The following NAT2 variants were observed in gnomAD, a reference collection of about 807,000 sequenced individuals.
The protein encoded by NAT2 is N-acetyltransferase 2.
For missense variants in NAT2, 428 were observed against 339.1 expected (o/e 1.26, Z -2.06); for synonymous variants, 137 against 125.9 (o/e 1.09, Z -0.59).
upstream of NAT2, chr8:18,387,308 G>GC (rs1476526780): frequency 6.6e-6 from 1 of 152,618 alleles, no homozygotes; most frequent in African/African-American, 2.4e-5. Context: ...AGCCCCTAGG[G>GC]CAGGCGCTAG....
upstream of NAT2, among the ~76,000 whole-genome samples, chr8:18,388,504 C>A (rs1390433015): frequency 5.9e-3 from 462 of 78,442 alleles, no homozygotes; most frequent in Non-Finnish European, 6.2e-3. Flanking sequence ...AGATAATAAG[C>A]AAAAAAAAAA....
At chr8:18,398,979 C>A (rs1800742924) in intron 1 of NAT2, among the ~76,000 whole-genome samples, 1 of 152,130 alleles carries the variant, frequency 6.6e-6, no homozygotes, top group Non-Finnish European at 1.5e-5. Context: ...CGCTTATAAC[C>A]CTTCTCTCAT....
intron 1 of NAT2, among the ~76,000 whole-genome samples, chr8:18,393,557 T>C (rs1424391860): frequency 1.3e-5 from 2 of 152,344 alleles, no homozygotes; most frequent in Middle Eastern, 3.4e-3. Flanking sequence ...CGTCTTCATA[T>C]TGCAGTGGCA....
At chr8:18,387,141 C>G (rs1446818651), upstream of NAT2, 4 of 152,372 alleles carry the variant, frequency 2.6e-5, no homozygotes, top group African/African-American at 9.7e-5. Flanking sequence ...TGGACGGGAT[C>G]GTCCCCTTGC....
At position 18,397,157 on chromosome 8, in the gene NAT2, AAAT is replaced by A. The variant is rs573905980; in HGVS notation, c.-6-2838_-6-2836del. Reference sequence around the variant, plus strand: ...TGTTTCCTAGGTTTAAGGTCACTAAAAATAAAAATTCCACTTAATATATAATTC... The same window carrying A: ...TGTTTCCTAGGTTTAAGGTCACTAAAAAAAATTCCACTTAATATATAATTC... On this transcript the variant is annotated intron_variant, in intron 1 of 1. Coordinates refer to ENST00000286479, the MANE Select transcript of NAT2 (RefSeq NM_000015.3). 5.4e-4 allele frequency among the ~76,000 whole-genome samples: 82 copies of A among 152,292 alleles called. No homozygotes were observed. The South Asian group carries it at 9.1e-3, about 17-fold the overall frequency.
Position 18,400,202 on chromosome 8 carries a change from T to C in NAT2, c.199T>C (p.Trp67Arg), listed in dbSNP as rs201345576. 2.5e-6 allele frequency: 4 copies of C among 1,612,880 alleles called. No homozygotes were observed. In the African/African-American group the frequency reaches 4.0e-5, roughly 16 times the overall value. ...DHIVRRNRGGWCLQVNQLLYW... is the reference protein window; with the variant it reads ...DHIVRRNRGGRCLQVNQLLYW... ...CATTGTAAGAAGAAACCGGGGTGGG[T>C]GGTGTCTCCAGGTCAATCAACTTCT... The change falls in exon 2 of 2, where the codon TGG (tryptophan) becomes CGG (arginine). Residue 67 changes from tryptophan (W) to arginine (R), a missense_variant. Physicochemically the swap from Trp to Arg is moderately radical, Grantham distance 101 (BLOSUM62 -3). Transcript: ENST00000286479.
chr8:18,399,896 G>T, intron 1 of NAT2, 102 bp from the exon 2 acceptor site: 1 of 1,261,758 alleles, frequency 7.9e-7, no homozygotes, highest in East Asian at 2.4e-5. Flanking sequence ...TATAACCATT[G>T]TGTTTTTACG....
At chr8:18,393,157 C>T (rs893567391) in intron 1 of NAT2, among the ~76,000 whole-genome samples, 3 of 151,842 alleles carry the variant, frequency 2.0e-5, no homozygotes, top group Non-Finnish European at 2.9e-5. Context: ...TTTCTTCAGT[C>T]CCCACTTTGA....
chr8:18,388,870 A>G (rs1452708085), upstream of NAT2, among the ~76,000 whole-genome samples: 3 of 152,208 alleles, frequency 2.0e-5, no homozygotes, highest in African/African-American at 7.2e-5. Context: ...GTATTCCCCA[A>G]TTCTGCTCTT....
upstream of NAT2, among the ~76,000 whole-genome samples, chr8:18,388,504 C>CAAAAAAAGAAAA (rs1800541171): frequency 1.3e-5 from 1 of 78,480 alleles, no homozygotes; most frequent in African/African-American, 5.0e-5. Flanking sequence ...AGATAATAAG[C>CAAAAAAAGAAAA]AAAAAAAAAA....
chr8:18,392,198 C>T (rs1321731906), intron 1 of NAT2, among the ~76,000 whole-genome samples: 1 of 152,096 alleles, frequency 6.6e-6, no homozygotes, highest in Non-Finnish European at 1.5e-5. Context: ...TTAGCCAGGA[C>T]CCTTTAGAGG....
chr8:18,387,085 G>A (rs1018274247), upstream of NAT2: 1 of 152,316 alleles, frequency 6.6e-6, no homozygotes, highest in Non-Finnish European at 1.5e-5. Context: ...GTGGGGGAAG[G>A]GGGGAGCCCT....
chr8:18,399,207 T>G (rs1308797909), intron 1 of NAT2, among the ~76,000 whole-genome samples: 1 of 152,174 alleles, frequency 6.6e-6, no homozygotes, highest in Non-Finnish European at 1.5e-5. Flanking sequence ...GGAACAATCC[T>G]CCTCACACAT....
chr8:18,400,325 C>T lies in NAT2; in HGVS notation c.322C>T (p.Leu108Phe). ...VNKYSTGMVH[L>F]LLQVTIDGRN... ...CAAATACAGCACTGGCATGGTTCAC[C>T]TTCTCCTGCAGGTGACCATTGACGG... The change falls in exon 2 of 2, where the codon CTT becomes TTT. Residue 108 changes from leucine to phenylalanine, a missense_variant. By Grantham distance (22) the Leu-to-Phe change is conservative. Coordinates refer to ENST00000286479, the MANE Select transcript of NAT2 (RefSeq NM_000015.3). 1.2e-6 allele frequency: 2 copies of T among 1,613,696 alleles called. No individual in the cohort carries two copies. Among genetic ancestry groups the T allele is most frequent in the African/African-American group, 1.3e-5 (1 of 74,960 alleles).
chr8:18,391,087 G>T (rs1207975373), upstream of NAT2, among the ~76,000 whole-genome samples: 1 of 152,060 alleles, frequency 6.6e-6, no homozygotes, highest in Non-Finnish European at 1.5e-5. Flanking sequence ...CCTGTGGCAT[G>T]GGTATCATCA....
intron 1 of NAT2, among the ~76,000 whole-genome samples, chr8:18,395,221 T>C (rs928105002): frequency 1.6e-4 from 25 of 152,100 alleles, no homozygotes; most frequent in African/African-American, 4.3e-4. Flanking sequence ...AAAGCTTCAT[T>C]CAAAAGCACC....
In NAT2 at chr8:18,399,989, C is replaced by T. The variant is rs2117621334; in HGVS notation, c.-6-9C>T. 1.3e-6 allele frequency: 2 copies of T among 1,542,364 alleles called. No individual in the cohort carries two copies. The highest frequency in any genetic ancestry group is 1.7e-6 in the Non-Finnish European group (2 of 1,144,888). On this transcript the variant is annotated splice_polypyrimidine_tract_variant and intron_variant, in intron 1 of 1. Coordinates refer to ENST00000286479, the MANE Select transcript of NAT2 (RefSeq NM_000015.3). Reference sequence around the variant, plus strand: ...TGATATGTTTTTATGTTTTGTTTTTCTTGCTTAGGGGATCATGGACATTGA... The same window carrying T: ...TGATATGTTTTTATGTTTTGTTTTTTTTGCTTAGGGGATCATGGACATTGA...
At chr8:18,388,504 CAAAAAAAA>C (rs11390514), upstream of NAT2, among the ~76,000 whole-genome samples, 1 of 78,486 alleles carries the variant, frequency 1.3e-5, no homozygotes, top group Non-Finnish European at 2.4e-5. Flanking sequence ...AGATAATAAG[CAAAAAAAA>C]AAAAAAAAAA....
At position 18,400,233 on chromosome 8, in the gene NAT2, G is replaced by A. The variant is rs1311450114; in HGVS notation, c.230G>A (p.Trp77Ter). 4 of 1,612,138 alleles carry A rather than the reference G, an allele frequency of 2.5e-6. No homozygotes were observed. The highest frequency in any genetic ancestry group is 3.3e-5 in the Admixed American group (2 of 59,808). Residue 77 changes from tryptophan to a stop codon, truncating the protein, a stop_gained, in exon 2 of 2, where the codon TGG becomes TAG. Coordinates refer to ENST00000286479, the MANE Select transcript of NAT2 (RefSeq NM_000015.3). LOFTEE classifies it low-confidence loss of function (END_TRUNC). ...CTCCAGGTCAATCAACTTCTGTACT[G>A]GGCTCTGACCACAATCGGTTTTCAG... ...WCLQVNQLLY[W>*]ALTTIGFQTT...
Sources: gnomAD v4.1 joint callset for allele counts (sites outside exome capture counted in the v4.1 genomes callset) on GRCh38, gnomAD v4.1.1 for gene constraint, MANE v1.5 for transcripts, NCBI Gene and HGNC (gene_info 2026-07-23, HGNC 2026-07-21) for gene names.